Variants in KDM1B observed in about 807,000 individuals in gnomAD.
The protein encoded by KDM1B is lysine-specific histone demethylase 2.
KDM1B carries 63 observed loss-of-function variants against 107.4 expected under a neutral mutation model. The observed-to-expected ratio is 0.59, with a 90% CI of 0.48 to 0.72. The LOEUF is 0.72. Among genes scored for constraint, KDM1B ranks in the 30% least tolerant of loss-of-function variants. KDM1B has a pLI of 0.00. For missense variants in KDM1B, 749 were observed against 1,020.8 expected (o/e 0.73, Z 3.63); for synonymous variants, 363 against 363.9 (o/e 1.00, Z 0.03).
intron 17 of KDM1B, among the ~76,000 whole-genome samples, chr6:18,208,681 G>A (rs1412905661): frequency 1.9e-5 from 2 of 103,028 alleles, no homozygotes; most frequent in African/African-American, 3.8e-5. Flanking sequence ...GTCTCGTGCT[G>A]TCACCCAGGC....
At chr6:18,163,896 A>C (rs951270059) in intron 5 of KDM1B, among the ~76,000 whole-genome samples, 1 of 152,060 alleles carries the variant, frequency 6.6e-6, no homozygotes, top group African/African-American at 2.4e-5. Flanking sequence ...GTATTTTGCT[A>C]TTGTCAGGTG....
rs139168975 is a variant in KDM1B at position 18,174,624 on chromosome 6, C to T, written c.534+3145C>T. ...GTCCCTAGCCCCCCTTCTACTTTTC[C>T]CCCCAAGTCCCCAAAGTTCATTGTG... On this transcript the variant is annotated intron_variant, in intron 7 of 21. Transcript: ENST00000650836. Among the ~76,000 whole-genome samples, 54 of 150,312 alleles carry T rather than the reference C, an allele frequency of 3.6e-4. No individual in the cohort carries two copies. The East Asian group carries it at 0.011, about 29-fold the overall frequency.
chr6:18,216,333 G>A (rs1463467118), intron 20 of KDM1B, among the ~76,000 whole-genome samples: 4 of 152,112 alleles, frequency 2.6e-5, no homozygotes, highest in Admixed American at 6.6e-5. Context: ...CGCCTACCTC[G>A]GCCTCCTAAA....
intron 5 of KDM1B, among the ~76,000 whole-genome samples, chr6:18,165,893 G>A (rs1402111032): frequency 6.6e-6 from 1 of 152,124 alleles, no homozygotes; most frequent in African/African-American, 2.4e-5. Flanking sequence ...GGAGCCTGAG[G>A]CAGAAGGATC....
Position 18,187,946 on chromosome 6 carries a change from C to A in KDM1B, c.728C>A (p.Thr243Asn). Residue 243 changes from threonine to asparagine, a missense_variant, in exon 9 of 22, where the codon ACT becomes AAT. Thr to Asn is a moderately conservative substitution (Grantham distance 65). Transcript: ENST00000650836. ...ACCAGCACAAACCGCGCCGCTGCCA[C>A]TGGCAATGCCAGCCCTGGGAAGCTG... ...SCTSTNRAAA[T>N]GNASPGKLEH... is the part of the protein sequence containing the mutation. The A allele has an allele frequency of 6.4e-7, 1 of 1,550,548 alleles. No homozygotes were observed. Among genetic ancestry groups the A allele is most frequent in the South Asian group, 1.2e-5 (1 of 84,068 alleles).
intron 2 of KDM1B, among the ~76,000 whole-genome samples, chr6:18,157,092 A>G (rs745484411): frequency 4.6e-5 from 7 of 152,206 alleles, no homozygotes; most frequent in Non-Finnish European, 1.0e-4. Flanking sequence ...AATTAGAAAT[A>G]TATGTATAAT....
intron 21 of KDM1B, among the ~76,000 whole-genome samples, chr6:18,221,467 G>A (rs994467579): frequency 3.8e-4 from 58 of 150,758 alleles, no homozygotes; most frequent in African/African-American, 1.4e-3. Flanking sequence ...TTTTCTTATT[G>A]AACTTACGGT....
chr6:18,174,001 G>A (rs1478069527), intron 7 of KDM1B, among the ~76,000 whole-genome samples: 1 of 152,130 alleles, frequency 6.6e-6, no homozygotes, highest in African/African-American at 2.4e-5. Flanking sequence ...GGCCAGGCTG[G>A]TCTCGGACTC....
At chr6:18,180,764 C>T (rs542343363) in intron 7 of KDM1B, among the ~76,000 whole-genome samples, 2 of 152,166 alleles carry the variant, frequency 1.3e-5, no homozygotes, top group African/African-American at 4.8e-5. Context: ...CGGAGTTTCA[C>T]CATGTTGGCC....
At chr6:18,177,061 G>A (rs2150856178) in intron 7 of KDM1B, among the ~76,000 whole-genome samples, 1 of 152,244 alleles carries the variant, frequency 6.6e-6, no homozygotes, top group Non-Finnish European at 1.5e-5. Flanking sequence ...TTCTTCAAAT[G>A]TCTGGTAGAA....
rs1390686849 is a variant in KDM1B, at chr6:18,172,095, G to A, written c.534+616G>A. Among the ~76,000 whole-genome samples, 1 of 152,164 alleles carries A rather than the reference G, an allele frequency of 6.6e-6. No individual in the cohort carries two copies. Among genetic ancestry groups the A allele is most frequent in the Non-Finnish European group, 1.5e-5 (1 of 68,026 alleles). On this transcript the variant is annotated intron_variant, in intron 7 of 21. Coordinates refer to ENST00000650836, the MANE Select transcript of KDM1B (RefSeq NM_001364614.2). This position sits in a 1 kb window ranked among gnomAD's most constrained non-coding sequence, Gnocchi z 5.2. Reference sequence around the variant, plus strand: ...AGGAAGAAAATATTTTACGACTGAGGATGTTGCAACACTAAACAAAGCCGG... The same window carrying A: ...AGGAAGAAAATATTTTACGACTGAGAATGTTGCAACACTAAACAAAGCCGG...
chr6:18,161,466 T>TGTG lies in KDM1B; in HGVS notation c.215+13_215+15dup. 6.2e-7 allele frequency: 1 copy of TGTG among 1,613,420 alleles called. No homozygotes were observed. Among genetic ancestry groups the TGTG allele is most frequent in the Non-Finnish European group, 8.5e-7 (1 of 1,179,766 alleles). On this transcript the variant is annotated intron_variant, in intron 4 of 21. Transcript: ENST00000650836. ...AGTGCTTCTGAAAGGTCTGTTTAGA[T>TGTG]GTGTGTCTTGGCCTCCCATTTCTGC...
At chr6:18,198,458 A>C (rs896392620) in intron 12 of KDM1B, among the ~76,000 whole-genome samples, 3 of 151,482 alleles carry the variant, frequency 2.0e-5, no homozygotes, top group Non-Finnish European at 2.9e-5. Flanking sequence ...CAAACTCCTC[A>C]GTTAAAGCGA....
Position 18,200,600 on chromosome 6 carries a change from T to C in KDM1B, c.1359+24T>C. ...AAGTGAGTTTCTTTTAGCTTTGTGT[T>C]GTAGATAAAGGAAAGAAAAACAGTT... On this transcript the variant is annotated intron_variant, in intron 13 of 21. Coordinates refer to ENST00000650836, the MANE Select transcript of KDM1B (RefSeq NM_001364614.2). This position sits in a 1 kb window ranked among gnomAD's most constrained non-coding sequence, Gnocchi z 4.3. The C allele has an allele frequency of 6.3e-7, 1 of 1,598,976 alleles. No homozygotes were observed. Among genetic ancestry groups the C allele is most frequent in the Non-Finnish European group, 8.5e-7 (1 of 1,173,956 alleles).
In KDM1B at chr6:18,162,935, T is replaced by C. The variant is rs368587911; in HGVS notation, c.305+11T>C. The C allele has an allele frequency of 9.7e-6, 15 of 1,548,064 alleles. No individual in the cohort carries two copies. The highest frequency in any genetic ancestry group is 1.3e-5 in the Non-Finnish European group (15 of 1,119,662). ...CCATTACTACAGAAGGTATGTTCACTAATTGTGTGAGGTTTCCCTGGAGAA... is the reference window on the plus strand; with the variant it reads ...CCATTACTACAGAAGGTATGTTCACCAATTGTGTGAGGTTTCCCTGGAGAA... On this transcript the variant is annotated intron_variant, in intron 5 of 21. Transcript: ENST00000650836. This position sits in a 1 kb window ranked among gnomAD's most constrained non-coding sequence, Gnocchi z 4.1.
At chr6:18,176,781 A>T (rs2150854587) in intron 7 of KDM1B, among the ~76,000 whole-genome samples, 1 of 152,338 alleles carries the variant, frequency 6.6e-6, no homozygotes, top group African/African-American at 2.4e-5. Context: ...ATGTTAAACC[A>T]TCCCTACATC....
chr6:18,166,197 G>A, intron 5 of KDM1B, 70 bp from the exon 6 acceptor site: 1 of 724,432 alleles, frequency 1.4e-6, no homozygotes, highest in Non-Finnish European at 2.5e-6. Flanking sequence ...CCTGCCTCCT[G>A]TTTTGAAAAA....
rs1784833797 is a variant in KDM1B, at chr6:18,159,458, T to C, written c.-13-425T>C. On this transcript the variant is annotated intron_variant, in intron 2 of 21. Coordinates refer to ENST00000650836, the MANE Select transcript of KDM1B (RefSeq NM_001364614.2). This position sits in a 1 kb window ranked among gnomAD's most constrained non-coding sequence, Gnocchi z 4.5. ...TGTATCTTTTAATGTGCATAACTACTAATAGGTAATGTTTATTGAGTACTT... is the reference window on the plus strand; with the variant it reads ...TGTATCTTTTAATGTGCATAACTACCAATAGGTAATGTTTATTGAGTACTT... Among the ~76,000 whole-genome samples the C allele has an allele frequency of 6.6e-6, 1 of 152,232 alleles. No individual in the cohort carries two copies. The highest frequency in any genetic ancestry group is 1.5e-5 in the Non-Finnish European group (1 of 68,038).
Position 18,205,602 on chromosome 6 carries a change from G to T in KDM1B, c.1597G>T (p.Gly533Ter). ...ESGIQFSELE[G>*]QVLQFHLSNL... ...TGGTATCCAATTCAGTGAGCTGGAGGGACAGGTGCTTCAGTTCCATCTCAG... is the reference window on the plus strand; with the variant it reads ...TGGTATCCAATTCAGTGAGCTGGAGTGACAGGTGCTTCAGTTCCATCTCAG... The change falls in exon 15 of 22, where the codon GGA (glycine) becomes TGA (stop). Residue 533 changes from glycine (G) to a stop codon, truncating the protein, a stop_gained. Coordinates refer to ENST00000650836, the MANE Select transcript of KDM1B (RefSeq NM_001364614.2). LOFTEE classifies it high-confidence loss of function. The surrounding 1 kb of genome is among the most constrained non-coding windows in gnomAD (Gnocchi z 5.7). 1.3e-6 allele frequency: 2 copies of T among 1,543,722 alleles called. No individual in the cohort carries two copies. Among genetic ancestry groups the T allele is most frequent in the Non-Finnish European group, 8.7e-7 (1 of 1,143,696 alleles).
Sources: allele counts gnomAD v4.1 joint callset (sites outside exome capture counted in the v4.1 genomes callset), GRCh38; gene constraint gnomAD v4.1.1; non-coding constraint Gnocchi (gnomAD v3.1); transcripts MANE v1.5; gene names NCBI Gene and HGNC (gene_info 2026-07-23, HGNC 2026-07-21).